Variants in ELOVL6 observed in about 807,000 individuals in gnomAD.
The protein encoded by ELOVL6 is ELOVL fatty acid elongase 6, also known as very long chain fatty acid elongase 6.
In ELOVL6, 8 loss-of-function variants were observed where a neutral mutation model predicts 31.7. The ratio of observed to expected loss-of-function variants is 0.25; its 90% CI spans 0.15 to 0.45. ELOVL6 has a LOEUF of 0.45. ELOVL6 is among the 20% of genes least tolerant of loss of function. ELOVL6 has a pLI of 1.00. For synonymous variants in ELOVL6, 101 were observed against 117.7 expected, an observed-to-expected ratio of 0.86 and a Z score of 0.92; for missense variants, 126 against 326.4, an observed-to-expected ratio of 0.39 and a Z score of 4.73.
chr4:110,087,012 T>C (rs1578471013), intron 2 of ELOVL6, among the ~76,000 whole-genome samples: 1 of 151,996 alleles, frequency 6.6e-6, no homozygotes. Context: ...TCTAAATGGG[T>C]TGTTAGGTTT....
intron 1 of ELOVL6, among the ~76,000 whole-genome samples, chr4:110,161,803 A>T (rs1345968978): frequency 6.6e-6 from 1 of 152,248 alleles, no homozygotes; most frequent in Admixed American, 6.5e-5. Flanking sequence ...AGAAACACAC[A>T]CAAAACTAGG....
intron 1 of ELOVL6, among the ~76,000 whole-genome samples, chr4:110,158,657 A>ATATATATATTTTTT: frequency 8.1e-5 from 6 of 74,160 alleles, no homozygotes; most frequent in African/African-American, 5.0e-4. Flanking sequence ...ATATATATAT[A>ATATATATATTTTTT]TTTTTTTTTT....
At chr4:110,088,466 G>A (rs1304456498) in intron 2 of ELOVL6, among the ~76,000 whole-genome samples, 1 of 152,150 alleles carries the variant, frequency 6.6e-6, no homozygotes, top group Non-Finnish European at 1.5e-5. Flanking sequence ...AATAAGCACT[G>A]TGGCCGTAAG....
intron 1 of ELOVL6, among the ~76,000 whole-genome samples, chr4:110,197,270 C>T (rs1759835804): frequency 6.6e-6 from 1 of 152,244 alleles, no homozygotes; most frequent in African/African-American, 2.4e-5. Context: ...TCTGCCACAA[C>T]CCTGTCTACA....
In ELOVL6 at chr4:110,198,313, A is replaced by G. The variant is rs1759880711; in HGVS notation, c.23T>C (p.Leu8Ser). 1 of 1,610,212 alleles carries G rather than the reference A, an allele frequency of 6.2e-7. No individual in the cohort carries two copies. Among genetic ancestry groups the G allele is most frequent in the Non-Finnish European group, 8.5e-7 (1 of 1,176,558 alleles). The change falls in exon 1 of 4, where the codon TTA becomes TCA. Residue 8 changes from leucine to serine, a missense_variant. Coordinates refer to ENST00000302274, the MANE Select transcript of ELOVL6 (RefSeq NM_024090.3). ...CTGCTTTTCGAATTCATATTCTTGT[A>G]AAGTCAACACTGACATGTTCATTGG... MNMSVLT[L>S]QEYEFEKQFN...
chr4:110,151,058 T>A (rs569453307), intron 1 of ELOVL6, among the ~76,000 whole-genome samples: 3,256 of 151,036 alleles, frequency 0.022, 118 homozygotes, highest in African/African-American at 0.073. Flanking sequence ...AAAAAAAAAA[T>A]TTAAAATATA....
intron 1 of ELOVL6, among the ~76,000 whole-genome samples, chr4:110,106,839 C>T (rs532214036): frequency 1.3e-5 from 2 of 152,208 alleles, no homozygotes; most frequent in South Asian, 4.2e-4. Context: ...CCTCTGACAA[C>T]AGTACTGATA....
chr4:110,065,264 G>C (rs1755266418), intron 2 of ELOVL6, among the ~76,000 whole-genome samples: 1 of 152,102 alleles, frequency 6.6e-6, no homozygotes, highest in African/African-American at 2.4e-5. Context: ...ATTTTTTCTT[G>C]TGTAGGTGTA....
intron 2 of ELOVL6, among the ~76,000 whole-genome samples, chr4:110,065,415 C>T (rs1410674995): frequency 6.6e-6 from 1 of 152,078 alleles, no homozygotes; most frequent in Non-Finnish European, 1.5e-5. Context: ...TCACTTAAGC[C>T]CAACAGTTTG....
intron 2 of ELOVL6, among the ~76,000 whole-genome samples, chr4:110,077,369 C>T (rs537076310): frequency 1.2e-4 from 18 of 152,242 alleles, no homozygotes; most frequent in African/African-American, 3.6e-4. Context: ...CTCACACAGC[C>T]GGGTGCTCCT....
At chr4:110,142,817 A>G (rs879701120) in intron 1 of ELOVL6, among the ~76,000 whole-genome samples, 13 of 152,296 alleles carry the variant, frequency 8.5e-5, no homozygotes, top group African/African-American at 2.9e-4. Flanking sequence ...ACAGTCCTAT[A>G]ACATACCAAT....
chr4:110,066,944 T>C (rs1180278304), intron 2 of ELOVL6, among the ~76,000 whole-genome samples: 1 of 148,970 alleles, frequency 6.7e-6, no homozygotes, highest in African/African-American at 2.5e-5. Context: ...CAGGCCACAG[T>C]GTGTGATGTT....
At chr4:110,103,933 C>T (rs987434471) in intron 2 of ELOVL6, among the ~76,000 whole-genome samples, 1 of 152,058 alleles carries the variant, frequency 6.6e-6, no homozygotes, top group Non-Finnish European at 1.5e-5. Context: ...AGTACTTAAC[C>T]TTTAGCCATG....
chr4:110,191,240 T>C (rs1023626162), intron 1 of ELOVL6, among the ~76,000 whole-genome samples: 1 of 152,172 alleles, frequency 6.6e-6, no homozygotes, highest in Non-Finnish European at 1.5e-5. Flanking sequence ...ATGCCAACAT[T>C]TGTACCTGCC....
intron 1 of ELOVL6, among the ~76,000 whole-genome samples, chr4:110,177,454 AAATAAT>A (rs141020839): frequency 6.6e-6 from 1 of 151,172 alleles, no homozygotes; most frequent in Non-Finnish European, 1.5e-5. Flanking sequence ...ATAAATTAAT[AAATAAT>A]AATAATAATA....
At chr4:110,183,851 G>A (rs1431444215) in intron 1 of ELOVL6, among the ~76,000 whole-genome samples, 1 of 152,116 alleles carries the variant, frequency 6.6e-6, no homozygotes, top group Non-Finnish European at 1.5e-5. Flanking sequence ...GCGTGGTGGT[G>A]TATGCCTGTG....
chr4:110,059,072 G>A (rs1488135705), intron 3 of ELOVL6, among the ~76,000 whole-genome samples: 1 of 152,112 alleles, frequency 6.6e-6, no homozygotes, highest in East Asian at 1.9e-4. Context: ...TTTCTGGAAG[G>A]TAAATTACAT....
rs1262150730 is a variant in ELOVL6 at position 110,061,588 on chromosome 4, G to A, written c.222-1834C>T. On this transcript the variant is annotated intron_variant, in intron 2 of 3. Coordinates refer to ENST00000302274, the MANE Select transcript of ELOVL6 (RefSeq NM_024090.3). ...TTTTTTTTTTTTGAGACAGAATCTC[G>A]CTCTCTCAGCCAGGCTGGAGTACAG... is the stretch of plus-strand genomic sequence containing the variant. Among the ~76,000 whole-genome samples, 9 of 88,252 alleles carry A rather than the reference G, an allele frequency of 1.0e-4. 1 individual carries two copies. Among genetic ancestry groups the A allele is most frequent in the African/African-American group, 4.0e-4 (8 of 20,150 alleles). 57.9% of individuals were successfully genotyped at this position (88,252 alleles called of 152,430 possible).
At chr4:110,140,141 T>C (rs1165512534) in intron 1 of ELOVL6, among the ~76,000 whole-genome samples, 1 of 152,212 alleles carries the variant, frequency 6.6e-6, no homozygotes, top group African/African-American at 2.4e-5. Flanking sequence ...GCTAGTACTT[T>C]TCTATATAAG....
Sources: allele counts gnomAD v4.1 joint callset (sites outside exome capture counted in the v4.1 genomes callset), GRCh38; gene constraint gnomAD v4.1.1; transcripts MANE v1.5; gene names NCBI Gene and HGNC (gene_info 2026-07-23, HGNC 2026-07-21).